Variants in METTL15 observed in about 807,000 individuals in gnomAD.
METTL15 encodes the protein 12S rRNA N(4)-cytidine methyltransferase METTL15.
A neutral mutation model predicts 38.3 loss-of-function variants in METTL15; 34 were observed. The observed-to-expected ratio is 0.89, with a 90% CI of 0.68 to 1.18. METTL15 has a LOEUF of 1.18. Ranked by LOEUF, METTL15 falls within the 50% of genes most tolerant of loss-of-function variation. The pLI, the probability that METTL15 is intolerant of heterozygous loss-of-function variation, is 0.00. For synonymous variants in METTL15, 162 were observed against 170.9 expected (o/e 0.95, Z 0.41); for missense variants, 438 against 498.4 (o/e 0.88, Z 1.15).
intron 5 of METTL15, among the ~76,000 whole-genome samples, chr11:28,380,367 A>G (rs1019235513): frequency 6.6e-6 from 1 of 151,866 alleles, no homozygotes; most frequent in African/African-American, 2.4e-5. Context: ...ATGAGGTTTC[A>G]CCATGTTAGC....
intron 5 of METTL15, among the ~76,000 whole-genome samples, chr11:28,421,758 C>A (rs546748266): frequency 6.6e-6 from 1 of 151,864 alleles, no homozygotes; most frequent in Non-Finnish European, 1.5e-5. Context: ...AAACAGAAAC[C>A]CTTTCCTCCA....
chr11:28,205,568 C>G (rs541518454), intron 3 of METTL15, among the ~76,000 whole-genome samples: 1 of 151,954 alleles, frequency 6.6e-6, no homozygotes, highest in Non-Finnish European at 1.5e-5. Context: ...AATAAACATA[C>G]GTGTGCATGT....
chr11:28,217,280 T>A (rs1046210373), intron 4 of METTL15, among the ~76,000 whole-genome samples: 2 of 152,188 alleles, frequency 1.3e-5, no homozygotes, highest in African/African-American at 4.8e-5. Context: ...GGTATCTCAT[T>A]GTGGTTTTGA....
intron 3 of METTL15, among the ~76,000 whole-genome samples, chr11:28,183,988 G>A (rs192048561): frequency 5.9e-5 from 9 of 152,118 alleles, no homozygotes; most frequent in African/African-American, 2.2e-4. Context: ...ACTCTTGGGA[G>A]GGTGTGTGTG....
chr11:28,450,541 A>G (rs973784274), intron 6 of METTL15, among the ~76,000 whole-genome samples: 3 of 152,210 alleles, frequency 2.0e-5, no homozygotes, highest in African/African-American at 7.2e-5. Context: ...TGTTGATGGT[A>G]GTAGCGGTAG....
At chr11:28,307,365 A>G (rs970275497) in intron 6 of METTL15, among the ~76,000 whole-genome samples, 1 of 151,980 alleles carries the variant, frequency 6.6e-6, no homozygotes, top group Non-Finnish European at 1.5e-5. Flanking sequence ...TATGTCTTAA[A>G]ATAGATGCTC....
intron 5 of METTL15, among the ~76,000 whole-genome samples, chr11:28,368,806 T>C (rs1445184680): frequency 1.3e-5 from 2 of 152,176 alleles, no homozygotes; most frequent in African/African-American, 4.8e-5. Flanking sequence ...GTATACACCA[T>C]GGAATACTAT....
intron 6 of METTL15, among the ~76,000 whole-genome samples, chr11:28,467,770 A>G (rs1426558526): frequency 6.6e-6 from 1 of 152,220 alleles, no homozygotes; most frequent in Admixed American, 6.5e-5. Flanking sequence ...AAGACAATAA[A>G]CAAGTAAATA....
rs547689091 is a variant in METTL15, at chr11:28,134,661, C to T, written c.270+21057C>T. On this transcript the variant is annotated intron_variant, in intron 3 of 6. Transcript: ENST00000407364. The stretch of plus-strand genomic sequence containing the variant: ...TCCTCCTGAGGTCAGTTTAAGGGTC[C>T]TGGGAAGAATGGCATGTCCATGCAT... The T allele has an allele frequency of 9.0e-4, 359 of 398,324 alleles. 1 individual carries two copies. Among genetic ancestry groups the T allele is most frequent in the African/African-American group, 6.8e-3 (332 of 48,716 alleles). 24.7% of individuals were successfully genotyped at this position (398,324 alleles called of 1,614,324 possible).
intron 5 of METTL15, among the ~76,000 whole-genome samples, chr11:28,391,890 A>G (rs1034491207): frequency 4.6e-5 from 7 of 152,260 alleles, no homozygotes; most frequent in African/African-American, 1.2e-4. Flanking sequence ...AATACCATTC[A>G]GGACATAGAC....
chr11:28,199,277 T>G (rs553565170), intron 3 of METTL15, among the ~76,000 whole-genome samples: 1 of 152,206 alleles, frequency 6.6e-6, no homozygotes, highest in African/African-American at 2.4e-5. Context: ...ACCAACCTTC[T>G]TGATCTTACT....
At chr11:28,120,547 A>T (rs1420785833) in intron 3 of METTL15, among the ~76,000 whole-genome samples, 1 of 152,056 alleles carries the variant, frequency 6.6e-6, no homozygotes, top group Non-Finnish European at 1.5e-5. Flanking sequence ...AACAAAAAAA[A>T]ATCCTGATTT....
At chr11:28,155,442 G>T (rs184350675) in intron 3 of METTL15, among the ~76,000 whole-genome samples, 12 of 152,252 alleles carry the variant, frequency 7.9e-5, no homozygotes, top group African/African-American at 2.9e-4. Flanking sequence ...TTACTTTACA[G>T]CCTCAATAAT....
intron 5 of METTL15, among the ~76,000 whole-genome samples, chr11:28,417,909 A>AAT (rs151011742): frequency 0.037 from 5,663 of 152,212 alleles, 358 homozygotes; most frequent in African/African-American, 0.13. Context: ...CATCTTTGAA[A>AAT]ATATATATAT....
chr11:28,243,970 A>G (rs1854409039), intron 4 of METTL15, among the ~76,000 whole-genome samples: 1 of 152,164 alleles, frequency 6.6e-6, no homozygotes, highest in Admixed American at 6.5e-5. Flanking sequence ...TTTGCTCTAT[A>G]ATGACTGATG....
chr11:28,113,982 A>G (rs1307497331), intron 3 of METTL15, among the ~76,000 whole-genome samples: 2 of 152,152 alleles, frequency 1.3e-5, no homozygotes, highest in Non-Finnish European at 2.9e-5. Context: ...TTTTTGACAC[A>G]TGGTGTTTTC....
At chr11:28,130,734 C>T (rs1852732550) in intron 3 of METTL15, among the ~76,000 whole-genome samples, 1 of 152,074 alleles carries the variant, frequency 6.6e-6, no homozygotes, top group Non-Finnish European at 1.5e-5. Context: ...TTAAACTTGA[C>T]CACTTAAATA....
intron 5 of METTL15, among the ~76,000 whole-genome samples, chr11:28,421,377 C>T (rs1850818963): frequency 6.6e-6 from 1 of 151,892 alleles, no homozygotes; most frequent in African/African-American, 2.4e-5. Context: ...GCCAGTATTA[C>T]CCTGCTACCA....
At chr11:28,526,117 G>A (rs748045755) in intron 6 of METTL15, among the ~76,000 whole-genome samples, 18 of 152,202 alleles carry the variant, frequency 1.2e-4, no homozygotes, top group Non-Finnish European at 1.0e-4. Flanking sequence ...TGGAGCTCCA[G>A]CTGGCCCACA....
Sources: allele counts gnomAD v4.1 joint callset (sites outside exome capture counted in the v4.1 genomes callset), GRCh38; gene constraint gnomAD v4.1.1; transcripts MANE v1.5; gene names NCBI Gene and HGNC (gene_info 2026-07-23, HGNC 2026-07-21).